The following SLC35F3 variants were observed in gnomAD, a reference collection of about 807,000 sequenced individuals.
SLC35F3 encodes the protein solute carrier family 35 member F3.
Under a neutral mutation model 49.9 loss-of-function variants are expected in SLC35F3, and 25 were observed. The observed-to-expected ratio is 0.50, with a 90% CI of 0.37 to 0.70. The LOEUF is 0.70. Among genes scored for constraint, SLC35F3 ranks in the 30% least tolerant of loss-of-function variants. SLC35F3 has a pLI of 0.00. For synonymous variants in SLC35F3, 275 were observed against 265.4 expected, an observed-to-expected ratio of 1.04 and a Z score of -0.35; for missense variants, 525 against 639.8, an observed-to-expected ratio of 0.82 and a Z score of 1.94.
At chr1:234,316,989 A>G (rs1657504927) in intron 5 of SLC35F3, among the ~76,000 whole-genome samples, 1 of 152,198 alleles carries the variant, frequency 6.6e-6, no homozygotes, top group African/African-American at 2.4e-5. Flanking sequence ...CACCTGGGAT[A>G]AAATGAGTGG....
chr1:234,153,127 T>C (rs1558243877), intron 2 of SLC35F3, among the ~76,000 whole-genome samples: 2 of 152,318 alleles, frequency 1.3e-5, no homozygotes, highest in Non-Finnish European at 2.9e-5. Context: ...TCCACTCTTA[T>C]CAACATGCAA....
At chr1:234,148,035 G>A (rs1014768300) in intron 2 of SLC35F3, among the ~76,000 whole-genome samples, 2 of 152,218 alleles carry the variant, frequency 1.3e-5, no homozygotes, top group Non-Finnish European at 2.9e-5. Context: ...GAAGGGGAGA[G>A]AAAGAGAGAG....
rs200894091 is a variant in SLC35F3 at position 234,077,160 on chromosome 1, G to A, written c.284-154257G>A. Among the ~76,000 whole-genome samples the A allele has an allele frequency of 1.7e-4, 25 of 151,314 alleles. No homozygotes were observed. In the East Asian group the frequency reaches 4.5e-3, roughly 27 times the overall value. On this transcript the variant is annotated intron_variant, in intron 2 of 7. Coordinates refer to ENST00000366618, the MANE Select transcript of SLC35F3 (RefSeq NM_173508.4). ...GCTGGGACTACAGGCGCCCGCCACC[G>A]CGCCCGGCTAATTTTTTGTATTTTT... is the stretch of plus-strand genomic sequence containing the variant.
At chr1:234,227,516 A>G (rs551548540) in intron 2 of SLC35F3, among the ~76,000 whole-genome samples, 2 of 149,750 alleles carry the variant, frequency 1.3e-5, no homozygotes, top group East Asian at 4.0e-4. Flanking sequence ...CTCCTGCCTC[A>G]GGCTCCTGAG....
intron 2 of SLC35F3, among the ~76,000 whole-genome samples, chr1:234,086,961 T>C (rs1664971120): frequency 6.6e-6 from 1 of 152,240 alleles, no homozygotes; most frequent in South Asian, 2.1e-4. Flanking sequence ...TATAATAAAT[T>C]GCCTCTCTCT....
At chr1:234,177,814 A>C (rs1666498541) in intron 2 of SLC35F3, among the ~76,000 whole-genome samples, 1 of 152,198 alleles carries the variant, frequency 6.6e-6, no homozygotes, top group South Asian at 2.1e-4. Context: ...GAACATATGG[A>C]TTGGAACTTG....
At chr1:234,103,903 G>A (rs558543619) in intron 2 of SLC35F3, among the ~76,000 whole-genome samples, 22 of 152,272 alleles carry the variant, frequency 1.4e-4, no homozygotes, top group South Asian at 1.2e-3. Context: ...GTCATCCACC[G>A]TGTTCTTTTC....
chr1:234,020,134 C>CA (rs57442560), intron 2 of SLC35F3, among the ~76,000 whole-genome samples: 7,567 of 146,094 alleles, frequency 0.052, 247 homozygotes, highest in Non-Finnish European at 0.068. Flanking sequence ...CCATCCCACA[C>CA]AAAAAAAAAA....
chr1:234,260,964 T>C (rs1005054922), intron 3 of SLC35F3, among the ~76,000 whole-genome samples: 5 of 152,244 alleles, frequency 3.3e-5, no homozygotes, highest in African/African-American at 4.8e-5. Flanking sequence ...GAGCAACTTA[T>C]GTTTTCTGCT....
intron 3 of SLC35F3, among the ~76,000 whole-genome samples, chr1:234,255,915 G>A (rs1257903009): frequency 6.6e-6 from 1 of 152,098 alleles, no homozygotes; most frequent in Non-Finnish European, 1.5e-5. Context: ...ATCCAAAACT[G>A]TACAACACAA....
At chr1:234,008,237 A>G (rs1663661184) in intron 2 of SLC35F3, among the ~76,000 whole-genome samples, 4 of 152,206 alleles carry the variant, frequency 2.6e-5, no homozygotes, top group Admixed American at 2.6e-4. Context: ...GGAGGACACC[A>G]TGATTGCTGG....
intron 2 of SLC35F3, among the ~76,000 whole-genome samples, chr1:233,958,883 G>A (rs1662748442): frequency 6.6e-6 from 1 of 152,154 alleles, no homozygotes; most frequent in South Asian, 2.1e-4. Flanking sequence ...CGCATGAGCA[G>A]CTGCCCCAAA....
At chr1:234,224,191 G>C (rs1012094719) in intron 2 of SLC35F3, among the ~76,000 whole-genome samples, 2 of 152,010 alleles carry the variant, frequency 1.3e-5, no homozygotes, top group Non-Finnish European at 2.9e-5. Context: ...CAGCCTCCCA[G>C]GTAGCTGGGA....
intron 2 of SLC35F3, among the ~76,000 whole-genome samples, chr1:234,085,544 A>G (rs1664948120): frequency 6.6e-6 from 1 of 152,218 alleles, no homozygotes; most frequent in Non-Finnish European, 1.5e-5. Flanking sequence ...GAATATGGCA[A>G]TCAATCTTGA....
intron 2 of SLC35F3, among the ~76,000 whole-genome samples, chr1:234,154,057 G>A (rs1159404428): frequency 2.0e-5 from 3 of 148,482 alleles, no homozygotes; most frequent in Non-Finnish European, 4.5e-5. Flanking sequence ...GCGAGACTCC[G>A]TCTCAAAAAA....
At chr1:234,233,841 G>GTTGTTTTGTT (rs111517884) in intron 3 of SLC35F3, among the ~76,000 whole-genome samples, 3 of 152,094 alleles carry the variant, frequency 2.0e-5, no homozygotes, top group Non-Finnish European at 4.4e-5. Context: ...CTTTAAAAAA[G>GTTGTTTTGTT]TTGTTTTGTT....
intron 2 of SLC35F3, among the ~76,000 whole-genome samples, chr1:234,136,260 G>T (rs914295370): frequency 8.2e-5 from 12 of 146,072 alleles, no homozygotes; most frequent in East Asian, 4.0e-4. Flanking sequence ...TTCTTTTTCT[G>T]TCTTTCTTTC....
chr1:234,248,186 A>AGTTGGCTGGTGCATCGTTTGGTGGGTTG (rs1667674371), intron 3 of SLC35F3, among the ~76,000 whole-genome samples: 1 of 143,514 alleles, frequency 7.0e-6, no homozygotes, highest in Non-Finnish European at 1.5e-5. Context: ...TTGATGGGTC[A>AGTTGGCTGGTGCATCGTTTGGTGGGTTG]GTTGGCTGGT....
At chr1:234,133,783 C>T (rs116352728) in intron 2 of SLC35F3, among the ~76,000 whole-genome samples, 9 of 152,274 alleles carry the variant, frequency 5.9e-5, no homozygotes, top group Non-Finnish European at 1.2e-4. Flanking sequence ...CTAAAACTAG[C>T]GGCTTAATTA....
Sources: gnomAD v4.1 joint callset for allele counts (sites outside exome capture counted in the v4.1 genomes callset) on GRCh38, gnomAD v4.1.1 for gene constraint, MANE v1.5 for transcripts, NCBI Gene and HGNC (gene_info 2026-07-23, HGNC 2026-07-21) for gene names.